The following PDE11A variants were observed in gnomAD, a reference collection of about 807,000 sequenced individuals.
PDE11A encodes the protein dual 3',5'-cyclic-AMP and -GMP phosphodiesterase 11A.
A neutral mutation model predicts 100.5 loss-of-function variants in PDE11A; 100 were observed. The ratio of observed to expected loss-of-function variants is 1.00; its 90% confidence interval spans 0.85 to 1.18. The LOEUF (loss-of-function observed/expected upper bound fraction) is 1.18, where lower values mean the gene tolerates loss of function less well. Among genes scored for constraint, PDE11A ranks in the 50% most tolerant of loss-of-function variants. The probability of loss-of-function intolerance (pLI) is 0.00; values close to 1 mark genes in which losing one functional copy is unlikely to be tolerated. For synonymous variants in PDE11A, 381 were observed against 420.8 expected, an observed-to-expected ratio of 0.91 and a Z score of 1.16; for missense variants, 1,141 against 1,152.6, an observed-to-expected ratio of 0.99 and a Z score of 0.15.
intron 2 of PDE11A, among the ~76,000 whole-genome samples, chr2:177,939,569 AAGGAAGGAAGGT>A (rs1469151764): frequency 2.0e-5 from 3 of 149,200 alleles, no homozygotes; most frequent in Non-Finnish European, 4.5e-5. Context: ...GGAAGGAAGG[AAGGAAGGAAGGT>A]AGGTTGACTC....
At chr2:177,657,854 G>T (rs1312724752) in intron 19 of PDE11A, among the ~76,000 whole-genome samples, 1 of 152,220 alleles carries the variant, frequency 6.6e-6, no homozygotes, top group African/African-American at 2.4e-5. Context: ...AAAGACTTAG[G>T]AAGTTATGTG....
At chr2:177,682,893 C>T (rs977403167) in intron 15 of PDE11A, among the ~76,000 whole-genome samples, 2 of 151,874 alleles carry the variant, frequency 1.3e-5, no homozygotes, top group East Asian at 1.9e-4. Context: ...AAAAACTACA[C>T]TTTGGAAAAT....
intron 15 of PDE11A, chr2:177,687,118 T>C (rs555681239): frequency 2.0e-5 from 3 of 152,340 alleles, no homozygotes; most frequent in East Asian, 3.9e-4. Flanking sequence ...TTTGAAGTGA[T>C]GATATGGCAA....
rs115323116 is a variant in PDE11A at position 177,711,269 on chromosome 2, G to A, written c.2153+500C>T. ...CCACCTTTCTATGGGAGTAGGGAAT[G>A]GGAGGAGCAAAAACTATATTCCTTG... is the stretch of plus-strand genomic sequence containing the variant. On this transcript the variant is annotated intron_variant, in intron 13 of 19. Coordinates refer to ENST00000286063, the MANE Select transcript of PDE11A (RefSeq NM_016953.4). 2.7e-3 allele frequency among the ~76,000 whole-genome samples: 405 copies of A among 152,348 alleles called. 2 individuals carry two copies. Among genetic ancestry groups the A allele is most frequent in the Middle Eastern group, 0.01 (3 of 294 alleles).
intron 1 of PDE11A, among the ~76,000 whole-genome samples, chr2:178,044,267 C>T (rs2086716913): frequency 7.3e-6 from 1 of 136,988 alleles, no homozygotes; most frequent in Non-Finnish European, 1.6e-5. Context: ...CAGTAATAGG[C>T]CATTTCATAA....
intron 2 of PDE11A, among the ~76,000 whole-genome samples, chr2:177,972,609 G>A (rs2105798245): frequency 6.6e-6 from 1 of 152,200 alleles, no homozygotes; most frequent in African/African-American, 2.4e-5. Flanking sequence ...TAGCAAGGGG[G>A]AATGAGTTAG....
intron 6 of PDE11A, among the ~76,000 whole-genome samples, chr2:177,835,308 C>T (rs1280253417): frequency 2.0e-5 from 3 of 152,314 alleles, no homozygotes; most frequent in Non-Finnish European, 4.4e-5. Flanking sequence ...GTACCTCTCT[C>T]AAATGCATCC....
intron 2 of PDE11A, among the ~76,000 whole-genome samples, chr2:178,000,138 A>T (rs994996687): frequency 9.2e-5 from 14 of 152,218 alleles, no homozygotes; most frequent in African/African-American, 3.4e-4. Context: ...CCAGGATATT[A>T]TCCACGGCAC....
intron 1 of PDE11A, among the ~76,000 whole-genome samples, chr2:178,032,481 C>A (rs1469548244): frequency 2.8e-5 from 3 of 105,416 alleles, no homozygotes; most frequent in Admixed American, 1.2e-4. Flanking sequence ...GAGACCCCAT[C>A]TCAAAAAAAA....
chr2:177,634,735 G>C (rs920851236), intron 19 of PDE11A, among the ~76,000 whole-genome samples: 2 of 152,180 alleles, frequency 1.3e-5, no homozygotes, highest in Admixed American at 6.5e-5. Context: ...AGTTAGCTGA[G>C]AGAATATGGA....
intron 10 of PDE11A, among the ~76,000 whole-genome samples, chr2:177,737,615 G>A (rs2081810518): frequency 6.6e-6 from 1 of 151,724 alleles, no homozygotes; most frequent in African/African-American, 2.4e-5. Flanking sequence ...AAGAGAGAGG[G>A]GCAGGGTTCT....
chr2:177,794,914 T>C (rs1367221897), intron 9 of PDE11A, among the ~76,000 whole-genome samples: 2 of 152,124 alleles, frequency 1.3e-5, no homozygotes, highest in African/African-American at 2.4e-5. Flanking sequence ...ATCTCCCAAG[T>C]AGCTGGGATT....
intron 15 of PDE11A, among the ~76,000 whole-genome samples, chr2:177,682,379 G>A (rs112409669): frequency 8.0e-4 from 122 of 152,298 alleles, no homozygotes; most frequent in Non-Finnish European, 1.5e-3. Flanking sequence ...AGGACTTGCT[G>A]AGTCTATGTC....
chr2:177,712,653 A>G (rs2081373566), intron 12 of PDE11A, among the ~76,000 whole-genome samples: 1 of 152,204 alleles, frequency 6.6e-6, no homozygotes, highest in African/African-American at 2.4e-5. Flanking sequence ...ATAATTATGT[A>G]ATCAACAGCA....
intron 5 of PDE11A, among the ~76,000 whole-genome samples, chr2:177,866,656 G>T (rs1297230043): frequency 3.3e-5 from 5 of 152,226 alleles, no homozygotes; most frequent in Admixed American, 2.0e-4. Context: ...GAATGTGTCT[G>T]CATGTGTCTC....
At chr2:177,731,306 A>G (rs191181178) in intron 10 of PDE11A, among the ~76,000 whole-genome samples, 140 of 152,250 alleles carry the variant, frequency 9.2e-4, no homozygotes, top group Non-Finnish European at 1.7e-3. Context: ...CCTGTGTAAA[A>G]GTGGGGCTCT....
chr2:178,050,981 C>T (rs145380126), intron 1 of PDE11A, among the ~76,000 whole-genome samples: 2,734 of 152,280 alleles, frequency 0.018, 51 homozygotes, highest in South Asian at 0.045. Context: ...GGCAGACCAA[C>T]ATTCAAATTC....
Position 177,711,889 on chromosome 2 carries a change from G to A in PDE11A, c.2044-11C>T. 6.9e-7 allele frequency: 1 copy of A among 1,452,984 alleles called. No individual in the cohort carries two copies. Among genetic ancestry groups the A allele is most frequent in the Non-Finnish European group, 9.7e-7 (1 of 1,033,584 alleles). 90.0% of individuals were successfully genotyped at this position (1,452,984 alleles called of 1,614,324 possible). On this transcript the variant is annotated splice_polypyrimidine_tract_variant and intron_variant, in intron 12 of 19. Transcript: ENST00000286063. ...TTGAAACCCAGCAGTCTGGGAAGAA[G>A]GGGAAAATGGCAACAGTCACTACTG...
At chr2:177,708,667 T>C (rs2081315396) in intron 13 of PDE11A, among the ~76,000 whole-genome samples, 1 of 152,238 alleles carries the variant, frequency 6.6e-6, no homozygotes, top group Admixed American at 6.5e-5. Context: ...TAATAATTTA[T>C]AAGAGGTTGC....
Sources: gnomAD v4.1 joint callset for allele counts (sites outside exome capture counted in the v4.1 genomes callset) on GRCh38, gnomAD v4.1.1 for gene constraint, MANE v1.5 for transcripts, NCBI Gene and HGNC (gene_info 2026-07-23, HGNC 2026-07-21) for gene names.